PRRC2B: variants seen among roughly 807,000 people sequenced by gnomAD.
PRRC2B encodes proline rich coiled-coil 2B, also known as protein PRRC2B.
In PRRC2B, 68 loss-of-function variants were observed where a neutral mutation model predicts 242.3. That is an observed-to-expected ratio of 0.28 (90% CI 0.23 to 0.34). The LOEUF (loss-of-function observed/expected upper bound fraction) is 0.34. Among genes scored for constraint, PRRC2B ranks in the 10% least tolerant of loss-of-function variants. The pLI, the probability that PRRC2B is intolerant of heterozygous loss-of-function variation, is 1.00. For missense variants in PRRC2B, 2,835 were observed against 2,954.8 expected (o/e 0.96, Z 0.94); for synonymous variants, 1,228 against 1,173.6 (o/e 1.05, Z -0.95).
At position 131,494,287 on chromosome 9, in the gene PRRC2B, G is replaced by A. The variant is rs1207141918; in HGVS notation, c.6474-118G>A. 2 of 624,832 alleles carry A rather than the reference G, an allele frequency of 3.2e-6. No individual in the cohort carries two copies. Among genetic ancestry groups the A allele is most frequent in the East Asian group, 2.9e-5 (1 of 34,840 alleles). The allele number at this position is 624,832 out of a possible 1,614,324, so 38.7% of individuals were successfully genotyped here. ...CCAAGAGATCCACGGACCGTCCCGAGTGAGCGCCTCTGGCCGCAGGCCCTT... is the reference window on the plus strand; with the variant it reads ...CCAAGAGATCCACGGACCGTCCCGAATGAGCGCCTCTGGCCGCAGGCCCTT... On this transcript the variant is annotated intron_variant, in intron 30 of 31. Transcript: ENST00000683519. The surrounding 1 kb of genome is among the most constrained non-coding windows in gnomAD (Gnocchi z 4.3).
chr9:131,425,594 TCTC>T (rs1340875950), intron 1 of PRRC2B, among the ~76,000 whole-genome samples: 1 of 151,640 alleles, frequency 6.6e-6, no homozygotes, highest in Non-Finnish European at 1.5e-5. Flanking sequence ...TTCATGCCAT[TCTC>T]CTGCCTCAGT....
rs1225272793 is a variant in PRRC2B, at chr9:131,474,907, C to T, written c.2778C>T (p.Ser926=). Residue 926 remains serine, a synonymous_variant, in exon 16 of 32, where the codon AGC becomes AGT. Coordinates refer to ENST00000683519, the MANE Select transcript of PRRC2B (RefSeq NM_013318.4). ...PEWTPEPRSS[S]SQHPEQTGRT... is the part of the protein sequence containing the mutation. Reference sequence around the variant, plus strand: ...GGACTCCCGAGCCCCGGAGCTCCAGCAGCCAGCACCCGGAGCAGACGGGCA... The same window carrying T: ...GGACTCCCGAGCCCCGGAGCTCCAGTAGCCAGCACCCGGAGCAGACGGGCA... 6.3e-7 allele frequency: 1 copy of T among 1,594,786 alleles called. No individual in the cohort carries two copies. The highest frequency in any genetic ancestry group is 8.5e-7 in the Non-Finnish European group (1 of 1,171,234).
At chr9:131,418,323 C>G (rs547289646) in intron 1 of PRRC2B, among the ~76,000 whole-genome samples, 5 of 152,362 alleles carry the variant, frequency 3.3e-5, no homozygotes, top group Admixed American at 3.3e-4. Context: ...AGAGCTACTG[C>G]CTGCAAAGGG....
chr9:131,455,201 C>CA, intron 10 of PRRC2B, 35 bp downstream of exon 10: 1 of 1,432,376 alleles, frequency 7.0e-7, no homozygotes, highest in Non-Finnish European at 9.8e-7. Flanking sequence ...AGCATGAGTG[C>CA]ATCCCTGCTT....
intron 9 of PRRC2B, among the ~76,000 whole-genome samples, chr9:131,450,170 A>G (rs1468401252): frequency 2.0e-5 from 3 of 152,146 alleles, no homozygotes; most frequent in African/African-American, 7.2e-5. Context: ...TTTCCACATA[A>G]ATTTAGAATC....
chr9:131,394,697 C>T (rs1490191109), intron 1 of PRRC2B, among the ~76,000 whole-genome samples: 8 of 151,712 alleles, frequency 5.3e-5, no homozygotes, highest in Non-Finnish European at 1.2e-4. Flanking sequence ...GCCCAATTGA[C>T]GGAGCAGCGC....
chr9:131,478,642 G>GGGGGGGGGGGGGGGGGGCC, intron 18 of PRRC2B, 23 bp downstream of exon 18: 1 of 482,036 alleles, frequency 2.1e-6, no homozygotes, highest in Non-Finnish European at 4.2e-6. Flanking sequence ...GGGTGGGGGG[G>GGGGGGGGGGGGGGGGGGCC]CATGGGGCTG....
At chr9:131,429,903 T>C (rs956810783) in intron 1 of PRRC2B, among the ~76,000 whole-genome samples, 191 bp from the exon 2 acceptor site, 1 of 151,972 alleles carries the variant, frequency 6.6e-6, no homozygotes, top group Non-Finnish European at 1.5e-5. Flanking sequence ...AAATGCCCTG[T>C]AAATGTGAAT....
chr9:131,412,927 G>A (rs1023821001), intron 1 of PRRC2B, among the ~76,000 whole-genome samples: 4 of 151,584 alleles, frequency 2.6e-5, no homozygotes, highest in African/African-American at 7.3e-5. Context: ...CCGAGTAGCT[G>A]GGATTATAGG....
At chr9:131,454,738 C>T (rs759003845) in intron 9 of PRRC2B, among the ~76,000 whole-genome samples, 25 of 151,964 alleles carry the variant, frequency 1.6e-4, no homozygotes, top group African/African-American at 5.3e-4. Context: ...TGCGTTCAAG[C>T]GATTCTCCTG....
At chr9:131,441,472 G>T (rs1838569954) in intron 5 of PRRC2B, among the ~76,000 whole-genome samples, 1 of 152,196 alleles carries the variant, frequency 6.6e-6, no homozygotes, top group Admixed American at 6.5e-5. Context: ...GAGAGGATTG[G>T]TTGAGCCCAG....
chr9:131,476,329 G>T lies in PRRC2B; in HGVS notation c.4200G>T (p.Gln1400His). ...REGPGSEPDS[Q>H]VDGGLSGASL... ...GCCCTGGGTCCGAGCCCGACTCCCA[G>T]GTGGATGGTGGCCTGTCGGGGGCTA... Residue 1400 changes from glutamine to histidine, a missense_variant, in exon 16 of 32, where the codon CAG (glutamine) becomes CAT (histidine). Physicochemically the swap from Gln to His is conservative, Grantham distance 24. Around this residue, in one of 7 missense-constraint regions of PRRC2B, gnomAD observed 1,536 missense variants for 1,483.1 expected, o/e 1.04. Transcript: ENST00000683519. The T allele has an allele frequency of 6.3e-7, 1 of 1,583,220 alleles. No individual in the cohort carries two copies. The highest frequency in any genetic ancestry group is 8.6e-7 in the Non-Finnish European group (1 of 1,165,070).
At chr9:131,463,211 G>T (rs1325844513) in intron 11 of PRRC2B, among the ~76,000 whole-genome samples, 1 of 152,144 alleles carries the variant, frequency 6.6e-6, no homozygotes. Context: ...GTACCTTCAT[G>T]CCTCTAAATT....
intron 1 of PRRC2B, among the ~76,000 whole-genome samples, chr9:131,377,647 C>T (rs114651286): frequency 0.029 from 4,357 of 152,244 alleles, 172 homozygotes; most frequent in African/African-American, 0.097. Flanking sequence ...GGTCCTGGGA[C>T]GATGCCTACG....
intron 1 of PRRC2B, among the ~76,000 whole-genome samples, chr9:131,383,283 A>T (rs1836784717): frequency 6.6e-6 from 1 of 152,182 alleles, no homozygotes; most frequent in African/African-American, 2.4e-5. Flanking sequence ...GTGTCTCGTT[A>T]GTACAACTGC....
chr9:131,391,183 T>C (rs1836896608), upstream of PRRC2B, among the ~76,000 whole-genome samples: 1 of 152,112 alleles, frequency 6.6e-6, no homozygotes, highest in Non-Finnish European at 1.5e-5. Flanking sequence ...ATTTAGTGGC[T>C]TATGTAACTT....
Position 131,491,556 on chromosome 9 carries a change from G to A in PRRC2B, c.6357G>A (p.Pro2119=), listed in dbSNP as rs376038349. 1.4e-4 allele frequency: 228 copies of A among 1,611,454 alleles called. No individual in the cohort carries two copies. Among genetic ancestry groups the A allele is most frequent in the Non-Finnish European group, 1.7e-4 (206 of 1,179,084 alleles). ...GGATTCCTCCGCCCGGGTCCCAGCC[G>A]CCAGTCCTGAACACCAGCAGAGAGG... ...PRRIPPPGSQ[P]PVLNTSREPS... is the part of the protein sequence containing the mutation. Residue 2119 remains proline (P), a synonymous_variant, in exon 29 of 32, where the codon CCG becomes CCA. Transcript: ENST00000683519.
intron 23 of PRRC2B, among the ~76,000 whole-genome samples, chr9:131,484,382 T>C (rs1943955867): frequency 6.6e-6 from 1 of 152,052 alleles, no homozygotes; most frequent in Non-Finnish European, 1.5e-5. Context: ...GGGGTGGCTC[T>C]CTGCAGACTT....
At chr9:131,415,876 A>T (rs1357871740) in intron 1 of PRRC2B, among the ~76,000 whole-genome samples, 2 of 152,058 alleles carry the variant, frequency 1.3e-5, no homozygotes, top group African/African-American at 4.8e-5. Flanking sequence ...GGGCCTTTGA[A>T]GTCTCGGCTA....
Sources: gnomAD v4.1 joint callset for allele counts (sites outside exome capture counted in the v4.1 genomes callset) on GRCh38, gnomAD v4.1.1 for gene constraint, gnomAD v4.1.1 regional missense constraint, Gnocchi (gnomAD v3.1) non-coding constraint, MANE v1.5 for transcripts, NCBI Gene and HGNC (gene_info 2026-07-23, HGNC 2026-07-21) for gene names.